DOCK4: variants seen among roughly 807,000 people sequenced by gnomAD.
DOCK4 encodes the protein dedicator of cytokinesis 4.
A neutral mutation model predicts 268.1 loss-of-function variants in DOCK4; 97 were observed. The ratio of observed to expected loss-of-function variants is 0.36; its 90% confidence interval spans 0.31 to 0.43. The LOEUF (loss-of-function observed/expected upper bound fraction) is 0.43. Ranked by LOEUF, DOCK4 falls within the 20% of genes least tolerant of loss-of-function variation. The pLI is 1.00. For synonymous variants in DOCK4, 954 were observed against 887.2 expected, an observed-to-expected ratio of 1.08 and a Z score of -1.34; for missense variants, 2,145 against 2,455.7, an observed-to-expected ratio of 0.87 and a Z score of 2.67.
chr7:112,131,553 T>C lies in DOCK4; in HGVS notation c.37+74549A>G, dbSNP rs145603246. 2.6e-4 allele frequency among the ~76,000 whole-genome samples: 40 copies of C among 152,320 alleles called. 1 individual carries two copies. The East Asian group carries it at 5.8e-3, about 22-fold the overall frequency. On this transcript the variant is annotated intron_variant, in intron 1 of 52. Transcript: ENST00000428084. ...AAGACAATACCTCTCAATAAATGTTTTTTGACTAAATGAATCAAAGATAGA... is the reference window on the plus strand; with the variant it reads ...AAGACAATACCTCTCAATAAATGTTCTTTGACTAAATGAATCAAAGATAGA...
intron 1 of DOCK4, among the ~76,000 whole-genome samples, chr7:112,114,565 C>G (rs2115764773): frequency 6.6e-6 from 1 of 152,276 alleles, no homozygotes; most frequent in African/African-American, 2.4e-5. Context: ...CTTGTTTTCA[C>G]TCTAATATTT....
chr7:111,950,733 A>G (rs1204382988), intron 8 of DOCK4, among the ~76,000 whole-genome samples: 2 of 152,232 alleles, frequency 1.3e-5, no homozygotes. Context: ...ATGATGCCTC[A>G]CGACCTGACT....
chr7:111,790,678 T>C, intron 30 of DOCK4, 73 bp from the exon 31 acceptor site: 5 of 1,434,548 alleles, frequency 3.5e-6, no homozygotes, highest in Non-Finnish European at 4.6e-6. Context: ...TATCATAAAA[T>C]TTGTTTAAAA....
At chr7:111,937,548 G>A (rs905150967) in intron 11 of DOCK4, among the ~76,000 whole-genome samples, 35 of 152,268 alleles carry the variant, frequency 2.3e-4, no homozygotes, top group African/African-American at 8.2e-4. Context: ...CCTCATAAAG[G>A]GTGATGATGG....
intron 1 of DOCK4, among the ~76,000 whole-genome samples, chr7:112,032,731 CA>C (rs1326746794): frequency 1.3e-5 from 2 of 152,060 alleles, no homozygotes; most frequent in African/African-American, 4.8e-5. Context: ...TCATTTTCCC[CA>C]AAGCCCCACA....
intron 1 of DOCK4, among the ~76,000 whole-genome samples, chr7:112,128,359 C>T (rs1476754475): frequency 6.6e-6 from 1 of 152,228 alleles, no homozygotes; most frequent in Middle Eastern, 3.4e-3. Context: ...TCTGCCCGGC[C>T]GCCCCTACTG....
intron 1 of DOCK4, among the ~76,000 whole-genome samples, chr7:112,158,131 G>C (rs764042163): frequency 2.0e-5 from 3 of 152,150 alleles, no homozygotes; most frequent in African/African-American, 7.2e-5. Flanking sequence ...GAATCACTTA[G>C]GAGAACCTGT....
chr7:111,980,234 C>T (rs1011873939), intron 7 of DOCK4, among the ~76,000 whole-genome samples: 4 of 152,148 alleles, frequency 2.6e-5, no homozygotes, highest in Non-Finnish European at 4.4e-5. Context: ...TCTTCCCATC[C>T]CCACTATTCT....
chr7:112,078,167 T>C (rs1808253354), intron 1 of DOCK4, among the ~76,000 whole-genome samples: 1 of 152,186 alleles, frequency 6.6e-6, no homozygotes, highest in Admixed American at 6.5e-5. Context: ...GGTGCATGAA[T>C]AAGATTTTAT....
intron 1 of DOCK4, among the ~76,000 whole-genome samples, chr7:112,184,256 A>G (rs1405410254): frequency 6.6e-6 from 1 of 152,242 alleles, no homozygotes; most frequent in East Asian, 1.9e-4. Context: ...GGAGGAACTC[A>G]TACATCAGTG....
At chr7:111,845,486 T>C (rs1277935469) in intron 24 of DOCK4, among the ~76,000 whole-genome samples, 1 of 152,158 alleles carries the variant, frequency 6.6e-6, no homozygotes, top group Non-Finnish European at 1.5e-5. Flanking sequence ...GCAAAGTTAA[T>C]AGTATCCACG....
At chr7:112,200,738 A>AG in intron 1 of DOCK4, among the ~76,000 whole-genome samples, 1 of 97,246 alleles carries the variant, frequency 1.0e-5, no homozygotes, top group Admixed American at 1.1e-4. Flanking sequence ...AAAAAAAAAA[A>AG]CAAAAAAAAA....
At chr7:111,973,482 G>A (rs1318307311) in intron 8 of DOCK4, among the ~76,000 whole-genome samples, 1 of 152,108 alleles carries the variant, frequency 6.6e-6, no homozygotes, top group African/African-American at 2.4e-5. Context: ...GAATTTAAGA[G>A]GAAGAGGGAA....
At chr7:111,934,499 C>T (rs1012973671) in intron 12 of DOCK4, among the ~76,000 whole-genome samples, 3 of 146,796 alleles carry the variant, frequency 2.0e-5, no homozygotes, top group Non-Finnish European at 1.5e-5. Context: ...CCATAGGCAG[C>T]GAAGCATGTT....
chr7:111,867,880 C>T (rs1432345050), intron 22 of DOCK4, 104 bp downstream of exon 22: 9 of 1,119,830 alleles, frequency 8.0e-6, no homozygotes, highest in Non-Finnish European at 1.1e-5. Flanking sequence ...TAAACTGGAG[C>T]AATTGACTTC....
At chr7:111,824,785 A>G (rs1204067423) in intron 26 of DOCK4, among the ~76,000 whole-genome samples, 1 of 152,184 alleles carries the variant, frequency 6.6e-6, no homozygotes, top group Non-Finnish European at 1.5e-5. Flanking sequence ...TCATTTTCCT[A>G]GTCACATTTA....
chr7:112,014,382 A>C (rs1298868931), intron 1 of DOCK4, among the ~76,000 whole-genome samples: 1 of 152,202 alleles, frequency 6.6e-6, no homozygotes, highest in Non-Finnish European at 1.5e-5. Flanking sequence ...AGGGACTAGT[A>C]TTCCAACCAG....
chr7:112,095,681 C>A (rs1235077668), intron 1 of DOCK4, among the ~76,000 whole-genome samples: 2 of 152,086 alleles, frequency 1.3e-5, no homozygotes, highest in Admixed American at 6.5e-5. Flanking sequence ...AAAACACAAC[C>A]ATGAAATGAA....
At chr7:111,974,707 A>G (rs1378203554) in intron 8 of DOCK4, among the ~76,000 whole-genome samples, 1 of 151,970 alleles carries the variant, frequency 6.6e-6, no homozygotes, top group Non-Finnish European at 1.5e-5. Flanking sequence ...CAGGAAAACT[A>G]CACAGCTCCT....
Sources: gnomAD v4.1 joint callset for allele counts (sites outside exome capture counted in the v4.1 genomes callset) on GRCh38, gnomAD v4.1.1 for gene constraint, MANE v1.5 for transcripts, NCBI Gene and HGNC (gene_info 2026-07-23, HGNC 2026-07-21) for gene names.